Variants in SMAD9 observed in about 807,000 individuals in gnomAD.
The protein encoded by SMAD9 is SMAD family member 9, also known as MAD homolog 9.
SMAD9 carries 36 observed loss-of-function variants against 46.1 expected under a neutral mutation model. That is an observed-to-expected ratio of 0.78 (90% CI 0.60 to 1.03). The LOEUF (loss-of-function observed/expected upper bound fraction) is 1.03. Ranked by LOEUF, SMAD9 falls within the 50% of genes least tolerant of loss-of-function variation. The probability of loss-of-function intolerance (pLI) is 0.00; values close to 1 mark genes in which losing one functional copy is unlikely to be tolerated. For missense variants in SMAD9, 572 were observed against 599.8 expected (o/e 0.95, Z 0.48); for synonymous variants, 245 against 237.1 (o/e 1.03, Z -0.31).
chr13:36,886,109 G>C (rs190540393), intron 1 of SMAD9, among the ~76,000 whole-genome samples: 3 of 152,308 alleles, frequency 2.0e-5, no homozygotes, highest in Admixed American at 2.0e-4. Flanking sequence ...TGTCACAGCT[G>C]CATGTGCTCA....
chr13:36,864,484 A>C (rs2058212873), intron 5 of SMAD9, among the ~76,000 whole-genome samples: 3 of 152,216 alleles, frequency 2.0e-5, no homozygotes, highest in Admixed American at 6.5e-5. Context: ...CTTATGGATG[A>C]CATATCTGGA....
At chr13:36,909,186 T>G (rs144579486) in intron 1 of SMAD9, among the ~76,000 whole-genome samples, 68 of 152,310 alleles carry the variant, frequency 4.5e-4, no homozygotes, top group Admixed American at 6.5e-4. Context: ...TTATCACTTC[T>G]TTGGAAGACA....
In SMAD9 at chr13:36,872,558, G is replaced by A. The variant is rs533403773; in HGVS notation, c.670+100C>T. The A allele has an allele frequency of 9.7e-4, 1,296 of 1,335,016 alleles. 1 individual carries two copies. The highest frequency in any genetic ancestry group is 1.0e-3 in the Non-Finnish European group (943 of 930,508). The allele number at this position is 1,335,016 out of a possible 1,614,324, so 82.7% of individuals were successfully genotyped here. A position where few individuals can be genotyped will look rare whatever the true frequency, so the allele number is the denominator to read the frequency against. ...GCTTTGTAAACTGTTTATACTATAT[G>A]AATGACAGTTACAATGACTGTCATT... On this transcript the variant is annotated intron_variant, in intron 3 of 6. Transcript: ENST00000379826.
At chr13:36,907,159 C>T (rs148302104) in intron 1 of SMAD9, among the ~76,000 whole-genome samples, 17 of 152,218 alleles carry the variant, frequency 1.1e-4, no homozygotes, top group African/African-American at 3.9e-4. Context: ...TGCATGATTC[C>T]ACTTACTTAT....
intron 1 of SMAD9, among the ~76,000 whole-genome samples, chr13:36,908,664 T>C (rs2058636892): frequency 6.6e-6 from 1 of 152,178 alleles, no homozygotes. Context: ...AATTTGGGTA[T>C]ACTGTGGCCC....
intron 1 of SMAD9, among the ~76,000 whole-genome samples, chr13:36,882,227 CTGTGTGTGTGTGTG>C (rs61006734): frequency 6.7e-6 from 1 of 149,430 alleles, no homozygotes; most frequent in East Asian, 2.0e-4. Flanking sequence ...CAGGTATGTG[CTGTGTGTGTGTGTG>C]TGTGTGTGTG....
chr13:36,905,336 A>C (rs2058610104), intron 1 of SMAD9, among the ~76,000 whole-genome samples: 1 of 152,178 alleles, frequency 6.6e-6, no homozygotes, highest in South Asian at 2.1e-4. Context: ...AATCATTCTT[A>C]TCCTGTTCAA....
At chr13:36,854,288 A>C (rs1219721977) in intron 5 of SMAD9, among the ~76,000 whole-genome samples, 1 of 152,222 alleles carries the variant, frequency 6.6e-6, no homozygotes, top group Admixed American at 6.5e-5. Context: ...TTGTTCCAAA[A>C]ATAAGGTTTT....
chr13:36,911,224 G>A (rs1189910091), intron 1 of SMAD9, among the ~76,000 whole-genome samples: 4 of 151,874 alleles, frequency 2.6e-5, no homozygotes, highest in Non-Finnish European at 5.9e-5. Flanking sequence ...TGTCCAGGCT[G>A]GTCTCAAACT....
intron 1 of SMAD9, among the ~76,000 whole-genome samples, chr13:36,893,299 G>A (rs1188788840): frequency 6.6e-6 from 1 of 151,554 alleles, no homozygotes; most frequent in Non-Finnish European, 1.5e-5. Flanking sequence ...AGTTTTTGAA[G>A]AGATGAATAG....
chr13:36,905,534 T>C (rs1399845169), intron 1 of SMAD9, among the ~76,000 whole-genome samples: 1 of 152,044 alleles, frequency 6.6e-6, no homozygotes, highest in Non-Finnish European at 1.5e-5. Context: ...GGCGGGCAGA[T>C]GGCTTGAGCC....
Position 36,846,080 on chromosome 13 carries a change from C to T in SMAD9, c.*2596G>A, listed in dbSNP as rs1160212398. On this transcript the variant is annotated 3_prime_UTR_variant, in exon 7 of 7. Transcript: ENST00000379826. ...GCTCAGATGATCCTCCCGCCTTGGC[C>T]TCCCAAAGTGCTGGGACTATAGGAA... 1 of 152,014 alleles carries T rather than the reference C, an allele frequency of 6.6e-6. No homozygotes were observed. Among genetic ancestry groups the T allele is most frequent in the Non-Finnish European group, 1.5e-5 (1 of 68,016 alleles). 9.4% of individuals were successfully genotyped at this position (152,014 alleles called of 1,614,324 possible). A position where few individuals can be genotyped will look rare whatever the true frequency, so the allele number is the denominator to read the frequency against.
rs557871006 is a variant in SMAD9, at chr13:36,868,902, A to G, written c.671-1519T>C. On this transcript the variant is annotated intron_variant, in intron 3 of 6. Transcript: ENST00000379826. ...ACAGCTAATGAATTGATTTTTTAAA[A>G]TGTGGTATAGCCATACAATGAGATA... is the stretch of plus-strand genomic sequence containing the variant. 2.6e-5 allele frequency among the ~76,000 whole-genome samples: 4 copies of G among 152,346 alleles called. No homozygotes were observed. The East Asian group carries it at 7.7e-4, about 29-fold the overall frequency.
At chr13:36,896,693 T>C (rs1376110068) in intron 1 of SMAD9, among the ~76,000 whole-genome samples, 1 of 152,120 alleles carries the variant, frequency 6.6e-6, no homozygotes, top group African/African-American at 2.4e-5. Flanking sequence ...ATGGAAAAGT[T>C]CCTAAAAAAG....
At position 36,886,885 on chromosome 13, in the gene SMAD9, GGT is replaced by G. The variant is rs548600591; in HGVS notation, c.-186-7012_-186-7011del. Among the ~76,000 whole-genome samples, 6 of 152,058 alleles carry G rather than the reference GGT, an allele frequency of 3.9e-5. No individual in the cohort carries two copies. In the East Asian group the frequency reaches 1.2e-3, roughly 29 times the overall value. On this transcript the variant is annotated intron_variant, in intron 1 of 6. Transcript: ENST00000379826. Reference sequence around the variant, plus strand: ...GGGTGGAGAGAATTCCATGCATTTGGGTAACTGGAGGAAAAACTGTGGCCAAG... The same window carrying G: ...GGGTGGAGAGAATTCCATGCATTTGGAACTGGAGGAAAAACTGTGGCCAAG...
At position 36,879,428 on chromosome 13, in the gene SMAD9, G is replaced by T; in HGVS notation, c.262C>A (p.Pro88Thr). The T allele has an allele frequency of 6.2e-7, 1 of 1,613,790 alleles. No homozygotes were observed. The highest frequency in any genetic ancestry group is 8.5e-7 in the Non-Finnish European group (1 of 1,180,040). Reference sequence around the variant, plus strand: ...CACACGCGACAGTAAATCACATGGGGCAGGCCCTTGCGGTGGGACACCTGC... The same window carrying T: ...CACACGCGACAGTAAATCACATGGGTCAGGCCCTTGCGGTGGGACACCTGC... ...RLQVSHRKGLPHVIYCRVWRW... is the reference protein window; with the variant it reads ...RLQVSHRKGLTHVIYCRVWRW... The change falls in exon 2 of 7, where the codon CCC becomes ACC. Residue 88 changes from proline (P) to threonine (T), a missense_variant. Coordinates refer to ENST00000379826, the MANE Select transcript of SMAD9 (RefSeq NM_001127217.3).
Position 36,846,587 on chromosome 13 carries a change from T to C in SMAD9, c.*2089A>G, listed in dbSNP as rs1291871556. 6.6e-6 allele frequency: 1 copy of C among 151,554 alleles called. No individual in the cohort carries two copies. The highest frequency in any genetic ancestry group is 1.5e-5 in the Non-Finnish European group (1 of 67,932). 9.4% of individuals were successfully genotyped at this position (151,554 alleles called of 1,614,324 possible). ...CAAAAACTGTGTTGAAGTTCTCCCA[T>C]GGAATGGTTCCCATACAAGATTCAC... On this transcript the variant is annotated 3_prime_UTR_variant, in exon 7 of 7. Coordinates refer to ENST00000379826, the MANE Select transcript of SMAD9 (RefSeq NM_001127217.3).
intron 1 of SMAD9, among the ~76,000 whole-genome samples, chr13:36,881,669 TG>T (rs1241576824): frequency 1.3e-5 from 2 of 152,248 alleles, no homozygotes; most frequent in Non-Finnish European, 2.9e-5. Context: ...TCTTTTCGCT[TG>T]GCAGTTTGAC....
rs2058028558 is a variant in SMAD9, at chr13:36,844,857, A to ACAAT, written c.*3815_*3818dup. The stretch of plus-strand genomic sequence containing the variant: ...ATAAGTACAGTATTCTTTATTATAA[A>ACAAT]CAATCAGATAACAGTATAAGTGTGC... On this transcript the variant is annotated 3_prime_UTR_variant, in exon 7 of 7. Transcript: ENST00000379826. The ACAAT allele has an allele frequency of 1.3e-5, 2 of 152,182 alleles. No individual in the cohort carries two copies. The highest frequency in any genetic ancestry group is 4.8e-5 in the African/African-American group (2 of 41,436). The allele number at this position is 152,182 out of a possible 1,614,324, so 9.4% of individuals were successfully genotyped here. A position where few individuals can be genotyped will look rare whatever the true frequency, so the allele number is the denominator to read the frequency against.
Sources: gnomAD v4.1 joint callset for allele counts (sites outside exome capture counted in the v4.1 genomes callset) on GRCh38, gnomAD v4.1.1 for gene constraint, MANE v1.5 for transcripts, NCBI Gene and HGNC (gene_info 2026-07-23, HGNC 2026-07-21) for gene names.